The following LNP1 variants were observed in gnomAD, a reference collection of about 807,000 sequenced individuals.
LNP1 encodes leukemia NUP98 fusion partner 1.
In LNP1, 12 loss-of-function variants were observed where a neutral mutation model predicts 14.5. The observed-to-expected ratio is 0.83, with a 90% CI of 0.53 to 1.34. The LOEUF (loss-of-function observed/expected upper bound fraction) is 1.34, where lower values mean the gene tolerates loss of function less well. Among genes scored for constraint, LNP1 ranks in the 40% most tolerant of loss-of-function variants. LNP1 has a pLI of 0.00. For synonymous variants in LNP1, 75 were observed against 71.4 expected (o/e 1.05, Z -0.26); for missense variants, 198 against 210.9 (o/e 0.94, Z 0.38).
intron 1 of LNP1, among the ~76,000 whole-genome samples, chr3:100,419,896 A>G (rs1707127917): frequency 6.6e-6 from 1 of 152,208 alleles, no homozygotes; most frequent in African/African-American, 2.4e-5. Flanking sequence ...GCCTAAGAGT[A>G]CAATCACTGG....
chr3:100,414,790 T>C (rs546106067), intron 1 of LNP1, among the ~76,000 whole-genome samples: 42 of 152,296 alleles, frequency 2.8e-4, no homozygotes, highest in Non-Finnish European at 5.1e-4. Flanking sequence ...CTTCCAATGA[T>C]GGGTGGACTT....
At chr3:100,437,501 ATTGT>A (rs1707303480) in intron 2 of LNP1, among the ~76,000 whole-genome samples, 1 of 152,198 alleles carries the variant, frequency 6.6e-6, no homozygotes, top group Admixed American at 6.5e-5. Context: ...AGTTTAAAAC[ATTGT>A]TTGGCTTCCC....
At chr3:100,428,144 T>G (rs1013820124) in intron 1 of LNP1, among the ~76,000 whole-genome samples, 1 of 152,214 alleles carries the variant, frequency 6.6e-6, no homozygotes, top group Non-Finnish European at 1.5e-5. Context: ...TTAGTATTAA[T>G]TTCACTTTGG....
chr3:100,421,901 T>G (rs1472421392), intron 1 of LNP1, among the ~76,000 whole-genome samples: 6 of 152,188 alleles, frequency 3.9e-5, no homozygotes, highest in Non-Finnish European at 5.9e-5. Flanking sequence ...AAACTTTAGT[T>G]TTTGCAATTT....
At chr3:100,422,028 CCCCCAGT>C (rs1707147952) in intron 1 of LNP1, among the ~76,000 whole-genome samples, 1 of 152,038 alleles carries the variant, frequency 6.6e-6, no homozygotes, top group Non-Finnish European at 1.5e-5. Context: ...ACTCTCAATT[CCCCCAGT>C]TCTTGTTTGG....
At chr3:100,420,224 C>T (rs1431178804) in intron 1 of LNP1, among the ~76,000 whole-genome samples, 2 of 152,138 alleles carry the variant, frequency 1.3e-5, no homozygotes, top group Admixed American at 6.6e-5. Context: ...CCATAGACAC[C>T]ATTTGTATAT....
Position 100,404,791 on chromosome 3 carries a change from CTTTT to C in LNP1, c.-34+2366_-34+2369del, listed in dbSNP as rs5851207. On this transcript the variant is annotated intron_variant, in intron 1 of 3. Transcript: ENST00000383693. ...ACTCATTCTTTCTCTTTGTGTTATCCTTTTTTTTTTTTTTTTTCCAAGATGGAAT... is the reference window on the plus strand; with the variant it reads ...ACTCATTCTTTCTCTTTGTGTTATCCTTTTTTTTTTTTTCCAAGATGGAAT... Among the ~76,000 whole-genome samples the C allele has an allele frequency of 2.3e-5, 3 of 131,284 alleles. No individual in the cohort carries two copies. The Admixed American group carries it at 2.4e-4, about 10-fold the overall frequency. The allele number at this position is 131,284 out of a possible 152,430, so 86.1% of individuals were successfully genotyped here. A position where few individuals can be genotyped will look rare whatever the true frequency, so the allele number is the denominator to read the frequency against.
chr3:100,442,401 GC>G (rs768198692), intron 2 of LNP1, among the ~76,000 whole-genome samples: 5 of 152,172 alleles, frequency 3.3e-5, no homozygotes, highest in African/African-American at 7.2e-5. Context: ...AACAACAAGT[GC>G]CTAAGGTGGT....
intron 1 of LNP1, among the ~76,000 whole-genome samples, chr3:100,415,280 C>T (rs534127111): frequency 6.6e-6 from 1 of 152,094 alleles, no homozygotes; most frequent in African/African-American, 2.4e-5. Flanking sequence ...ATGTAGAACT[C>T]CTATAGATCA....
chr3:100,413,534 G>A (rs1707050291), intron 1 of LNP1, among the ~76,000 whole-genome samples: 1 of 152,146 alleles, frequency 6.6e-6, no homozygotes, highest in South Asian at 2.1e-4. Context: ...CCACTCACAT[G>A]GATTTATAAG....
intron 2 of LNP1, among the ~76,000 whole-genome samples, chr3:100,433,263 C>T (rs148944137): frequency 0.03 from 4,544 of 152,230 alleles, 84 homozygotes; most frequent in Non-Finnish European, 0.047. Context: ...GTTCCCCTCC[C>T]TATGTCCATG....
chr3:100,417,920 GGT>G lies in LNP1; in HGVS notation c.-33-11776_-33-11775del, dbSNP rs377062001. On this transcript the variant is annotated intron_variant, in intron 1 of 3. Coordinates refer to ENST00000383693, the MANE Select transcript of LNP1 (RefSeq NM_001085451.2). ...CTTGTATTTATTTGGAGACATTATTGGTTGCATTTTTTACTCATTCCTTCTAG... is the reference window on the plus strand; with the variant it reads ...CTTGTATTTATTTGGAGACATTATTGTGCATTTTTTACTCATTCCTTCTAG... Among the ~76,000 whole-genome samples the G allele has an allele frequency of 3.4e-3, 509 of 151,526 alleles. 4 individuals carry two copies. Among genetic ancestry groups the G allele is most frequent in the Middle Eastern group, 0.014 (4 of 290 alleles).
chr3:100,431,649 A>T (rs1487647500), intron 2 of LNP1, among the ~76,000 whole-genome samples: 2 of 152,092 alleles, frequency 1.3e-5, no homozygotes, highest in Non-Finnish European at 2.9e-5. Context: ...CTGTATATGT[A>T]TAAGTGAATC....
At chr3:100,409,542 CTA>C (rs1252159843) in intron 1 of LNP1, among the ~76,000 whole-genome samples, 2 of 141,960 alleles carry the variant, frequency 1.4e-5, no homozygotes, top group Admixed American at 7.2e-5. Context: ...CTCTCTCTCT[CTA>C]TATATATATA....
intron 2 of LNP1, among the ~76,000 whole-genome samples, chr3:100,439,607 C>T (rs551578562): frequency 6.6e-6 from 1 of 152,230 alleles, no homozygotes; most frequent in South Asian, 2.1e-4. Flanking sequence ...TCTCCTCTAC[C>T]CCCCTAACAC....
chr3:100,447,233 A>T (rs1707396705), intron 2 of LNP1, among the ~76,000 whole-genome samples: 1 of 152,252 alleles, frequency 6.6e-6, no homozygotes, highest in South Asian at 2.1e-4. Flanking sequence ...GATTAAGAAA[A>T]TGTGGCACAT....
chr3:100,403,650 G>A (rs1177599481), intron 1 of LNP1, among the ~76,000 whole-genome samples: 3 of 152,126 alleles, frequency 2.0e-5, no homozygotes, highest in Non-Finnish European at 4.4e-5. Context: ...TATTGGCCAA[G>A]CTGGTCTTGA....
chr3:100,415,066 C>A (rs1707068219), intron 1 of LNP1, among the ~76,000 whole-genome samples: 1 of 152,096 alleles, frequency 6.6e-6, no homozygotes, highest in Non-Finnish European at 1.5e-5. Flanking sequence ...AAACTTTAAA[C>A]TTTTAGGAGA....
At chr3:100,412,294 G>C (rs201178102) in intron 1 of LNP1, among the ~76,000 whole-genome samples, 146 of 152,228 alleles carry the variant, frequency 9.6e-4, no homozygotes, top group Non-Finnish European at 1.7e-3. Flanking sequence ...ACTCACTACC[G>C]TGAGAATAGC....
Sources: gnomAD v4.1 joint callset for allele counts (sites outside exome capture counted in the v4.1 genomes callset) on GRCh38, gnomAD v4.1.1 for gene constraint, MANE v1.5 for transcripts, NCBI Gene and HGNC (gene_info 2026-07-23, HGNC 2026-07-21) for gene names.